The following DCHS1 variants were observed in gnomAD, a reference collection of about 807,000 sequenced individuals.
DCHS1 encodes dachsous cadherin-related 1, also known as protocadherin-16.
A neutral mutation model predicts 213.9 loss-of-function variants in DCHS1; 78 were observed. The ratio of observed to expected loss-of-function variants is 0.36; its 90% CI spans 0.30 to 0.44. DCHS1 has a LOEUF of 0.44. Ranked by LOEUF, DCHS1 falls within the 20% of genes least tolerant of loss-of-function variation. DCHS1 has a pLI of 1.00. For synonymous variants in DCHS1, 1,828 were observed against 1,873.7 expected (o/e 0.98, Z 0.63); for missense variants, 3,946 against 4,395.9 (o/e 0.90, Z 2.89).
In DCHS1 at chr11:6,630,675, G is replaced by C. The variant is rs757169253; in HGVS notation, c.4119C>G (p.Ala1373=). ...GALTYTLVGG[A]DPEGTFALDA... is the part of the protein sequence containing the mutation. ...CCAGCGCGAAGGTGCCCTCGGGATC[G>C]GCACCGCCCACCAGTGTGTAGGTGA... The change falls in exon 10 of 21, where the codon GCC becomes GCG. Residue 1373 remains alanine (A), a synonymous_variant. Coordinates refer to ENST00000299441, the MANE Select transcript of DCHS1 (RefSeq NM_003737.4). The C allele has an allele frequency of 2.1e-5, 32 of 1,532,476 alleles. No individual in the cohort carries two copies. Among genetic ancestry groups the C allele is most frequent in the Non-Finnish European group, 2.7e-5 (31 of 1,140,584 alleles). 94.9% of individuals were successfully genotyped at this position (1,532,476 alleles called of 1,614,324 possible).
At chr11:6,652,618 G>A (rs1007714611) in intron 1 of DCHS1, among the ~76,000 whole-genome samples, 2 of 152,190 alleles carry the variant, frequency 1.3e-5, no homozygotes, top group Non-Finnish European at 2.9e-5. Context: ...GATGGGATCC[G>A]TAACACAGGT....
At chr11:6,631,465 T>C (rs1855906838) in intron 7 of DCHS1, 58 bp from the exon 8 acceptor site, 2 of 1,609,986 alleles carry the variant, frequency 1.2e-6, no homozygotes, top group Non-Finnish European at 8.5e-7. Context: ...CAACTCAGGA[T>C]AAAGCTTCCC....
chr11:6,644,628 A>C (rs902971987), intron 1 of DCHS1, among the ~76,000 whole-genome samples: 1 of 152,230 alleles, frequency 6.6e-6, no homozygotes, highest in Non-Finnish European at 1.5e-5. Flanking sequence ...GGGCAGTGAC[A>C]GGTCTTGGTT....
Position 6,632,764 on chromosome 11 carries a change from C to T in DCHS1, c.2748G>A (p.Leu916=). ...NTAPGTPIYT[L]RALDPDSGVN... ...CACCTGAGTCGGGGTCAAGAGCCCG[C>T]AGTGTATAGATGGGAGTCCCTGGGG... The change falls in exon 6 of 21, where the codon CTG becomes CTA. Residue 916 remains leucine (L), a synonymous_variant. Coordinates refer to ENST00000299441, the MANE Select transcript of DCHS1 (RefSeq NM_003737.4). This position sits in a 1 kb window ranked among gnomAD's most constrained non-coding sequence, Gnocchi z 5.9. 1.2e-6 allele frequency: 2 copies of T among 1,613,228 alleles called. No individual in the cohort carries two copies. The highest frequency in any genetic ancestry group is 2.2e-5 in the East Asian group (1 of 44,872).
rs2134616790 is a variant in DCHS1 at position 6,625,842 on chromosome 11, G to A, written c.6731+78C>T. ...TGGGGAATTCAGGATGTGGCCAAGGGACCAGATGAGTTCAAGGCAGGGCTT... is the reference window on the plus strand; with the variant it reads ...TGGGGAATTCAGGATGTGGCCAAGGAACCAGATGAGTTCAAGGCAGGGCTT... On this transcript the variant is annotated intron_variant, in intron 17 of 20. Coordinates refer to ENST00000299441, the MANE Select transcript of DCHS1 (RefSeq NM_003737.4). The surrounding 1 kb of genome is among the most constrained non-coding windows in gnomAD (Gnocchi z 5.3). 6.3e-7 allele frequency: 1 copy of A among 1,586,440 alleles called. No homozygotes were observed. The highest frequency in any genetic ancestry group is 1.8e-5 in the Admixed American group (1 of 56,464).
rs369723576 is a variant in DCHS1, at chr11:6,641,417, G to A, written c.197C>T (p.Ala66Val). 6.8e-6 allele frequency: 11 copies of A among 1,613,060 alleles called. No individual in the cohort carries two copies. The highest frequency in any genetic ancestry group is 5.0e-5 in the Admixed American group (3 of 59,960). ...PAGTLIGDIS[A>V]GLPAGTAAPL... Reference sequence around the variant, plus strand: ...AGCTGCCGTGCCTGCCGGAAGCCCCGCACTGATGTCGCCAATCAGTGTACC... The same window carrying A: ...AGCTGCCGTGCCTGCCGGAAGCCCCACACTGATGTCGCCAATCAGTGTACC... Residue 66 changes from alanine (A) to valine (V), a missense_variant, in exon 2 of 21, where the codon GCG becomes GTG. Physicochemically the swap from Ala to Val is moderately conservative, Grantham distance 64 (BLOSUM62 0). Coordinates refer to ENST00000299441, the MANE Select transcript of DCHS1 (RefSeq NM_003737.4). The surrounding 1 kb of genome is among the most constrained non-coding windows in gnomAD (Gnocchi z 7.1).
intron 1 of DCHS1, among the ~76,000 whole-genome samples, chr11:6,653,989 G>A (rs1359380505): frequency 6.8e-6 from 1 of 148,016 alleles, no homozygotes; most frequent in Non-Finnish European, 1.5e-5. Context: ...TCCTGGGAGG[G>A]AGGAAGGTAA....
rs1855699874 is a variant in DCHS1, at chr11:6,621,971, G to A, written c.9705C>T (p.His3235=). 3 of 1,613,530 alleles carry A rather than the reference G, an allele frequency of 1.9e-6. No homozygotes were observed. The highest frequency in any genetic ancestry group is 2.5e-6 in the Non-Finnish European group (3 of 1,179,796). The part of the protein sequence containing the change: ...AARAIFPPAS[H]RSPISHEGSL... ...AGCCTTCATGGCTGATGGGGGAGCG[G>A]TGAGAAGCTGGTGGGAAGATGGCCC... is the stretch of plus-strand genomic sequence containing the variant. Residue 3235 remains histidine, a synonymous_variant, in exon 21 of 21, where the codon CAC becomes CAT. Transcript: ENST00000299441.
At position 6,625,512 on chromosome 11, in the gene DCHS1, A is replaced by G. The variant is rs1855782022; in HGVS notation, c.6863-31T>C. On this transcript the variant is annotated intron_variant, in intron 18 of 20. Coordinates refer to ENST00000299441, the MANE Select transcript of DCHS1 (RefSeq NM_003737.4). This position sits in a 1 kb window ranked among gnomAD's most constrained non-coding sequence, Gnocchi z 5.3. Reference sequence around the variant, plus strand: ...ATACATGAGACTAGTGTGTTTGGCAATGGACACAGCCCCACCTTGAGCTGC... The same window carrying G: ...ATACATGAGACTAGTGTGTTTGGCAGTGGACACAGCCCCACCTTGAGCTGC... 6.2e-7 allele frequency: 1 copy of G among 1,607,386 alleles called. No homozygotes were observed. The highest frequency in any genetic ancestry group is 1.3e-5 in the African/African-American group (1 of 74,490).
Position 6,634,223 on chromosome 11 carries a change from G to A in DCHS1, c.1881C>T (p.Pro627=). The change falls in exon 3 of 21, where the codon CCC becomes CCT. Residue 627 remains proline (P), a synonymous_variant. Transcript: ENST00000299441. The stretch of plus-strand genomic sequence containing the variant: ...CGCTGTGGGCATCAATGCGGAATGG[G>A]GGAGATCCGGAGGACCCAAGTCCAG... ...LGAGLGSSGS[P]PFRIDAHSGD... 6.2e-7 allele frequency: 1 copy of A among 1,613,986 alleles called. No homozygotes were observed. Among genetic ancestry groups the A allele is most frequent in the Non-Finnish European group, 8.5e-7 (1 of 1,179,868 alleles).
In DCHS1 at chr11:6,625,435, C is replaced by T; in HGVS notation, c.6909G>A (p.Val2303=). 1 of 1,601,820 alleles carries T rather than the reference C, an allele frequency of 6.2e-7. No homozygotes were observed. Among genetic ancestry groups the T allele is most frequent in the South Asian group, 1.1e-5 (1 of 90,170 alleles). Residue 2303 remains valine (V), a synonymous_variant, in exon 19 of 21, where the codon GTG becomes GTA. Transcript: ENST00000299441. The surrounding 1 kb of genome is among the most constrained non-coding windows in gnomAD (Gnocchi z 5.3). ...SEIAQVTGND[V]DSGPVLWYVL... ...CATACCACAGCACGGGTCCTGAGTCCACATCATTCCCTGTTACCTGTGCAA... is the reference window on the plus strand; with the variant it reads ...CATACCACAGCACGGGTCCTGAGTCTACATCATTCCCTGTTACCTGTGCAA...
chr11:6,654,993 C>G (rs921864001), intron 1 of DCHS1, among the ~76,000 whole-genome samples: 1 of 59,798 alleles, frequency 1.7e-5, no homozygotes, highest in Non-Finnish European at 2.8e-5. Context: ...TCTGGGTGAC[C>G]CCCCCCTCCA....
At chr11:6,654,823 C>T (rs1448833881) in intron 1 of DCHS1, among the ~76,000 whole-genome samples, 3 of 152,076 alleles carry the variant, frequency 2.0e-5, no homozygotes, top group East Asian at 1.9e-4. Flanking sequence ...GGGCCCAGCC[C>T]GCCACACTGA....
chr11:6,634,415 A>C, intron 2 of DCHS1, 109 bp from the exon 3 acceptor site: 1 of 1,258,634 alleles, frequency 7.9e-7, no homozygotes, highest in Non-Finnish European at 1.1e-6. Context: ...TGGCGGACAC[A>C]CAGAGAGGAC....
In DCHS1 at chr11:6,630,619, C is replaced by T. The variant is rs61875880; in HGVS notation, c.4175G>A (p.Arg1392Gln). 9 of 1,540,490 alleles carry T rather than the reference C, an allele frequency of 5.8e-6. No individual in the cohort carries two copies. The South Asian group carries it at 5.9e-5, about 10-fold the overall frequency. ...CGGGCCAGCTTCGAAGTCCAGGGGC[C>T]GCGCCAGGTACAAGCGCCCTGAGGC... is the stretch of plus-strand genomic sequence containing the variant. ...DAASGRLYLA[R>Q]PLDFEAGPPW... The change falls in exon 10 of 21, where the codon CGG becomes CAG. Residue 1392 changes from arginine (R) to glutamine (Q), a missense_variant. This residue lies in a region of DCHS1 where 3,384 missense variants were observed against 3,780.1 expected (regional missense o/e 0.90). Transcript: ENST00000299441.
rs373478460 is a variant in DCHS1, at chr11:6,623,407, C to T, written c.8269G>A (p.Ala2757Thr). ...EAGPGPEGREAFALNSSTGEL... is the reference protein window; with the variant it reads ...EAGPGPEGRETFALNSSTGEL... ...CCTGTTGAGCTGTTCAGTGCAAATG[C>T]CTCACGGCCCTCAGGTCCTGGCCCA... The change falls in exon 21 of 21, where the codon GCA becomes ACA. Residue 2757 changes from alanine to threonine, a missense_variant. Coordinates refer to ENST00000299441, the MANE Select transcript of DCHS1 (RefSeq NM_003737.4). The T allele has an allele frequency of 5.8e-4, 923 of 1,591,634 alleles. 9 individuals carry two copies. The South Asian group carries it at 9.6e-3, about 17-fold the overall frequency.
At chr11:6,654,577 G>A (rs1856288097) in intron 1 of DCHS1, among the ~76,000 whole-genome samples, 1 of 152,056 alleles carries the variant, frequency 6.6e-6, no homozygotes, top group Non-Finnish European at 1.5e-5. Context: ...TTTTCCGTAG[G>A]TGTGTGTTGG....
chr11:6,623,183 G>C lies in DCHS1; in HGVS notation c.8493C>G (p.Ser2831Arg), dbSNP rs747579012. The C allele has an allele frequency of 6.2e-7, 1 of 1,607,026 alleles. No homozygotes were observed. The highest frequency in any genetic ancestry group is 8.5e-7 in the Non-Finnish European group (1 of 1,176,816). ...CATCTGTGGCCTGCACGTGACCCAAGCTGTGGCCACGCCGGGCACCTTCGG... is the reference window on the plus strand; with the variant it reads ...CATCTGTGGCCTGCACGTGACCCAACCTGTGGCCACGCCGGGCACCTTCGG... ...QVPEGARRGH[S>R]LGHVQATDED... Residue 2831 changes from serine (S) to arginine (R), a missense_variant, in exon 21 of 21, where the codon AGC (serine) becomes AGG (arginine). Physicochemically the swap from Ser to Arg is moderately radical, Grantham distance 110. Transcript: ENST00000299441.
chr11:6,649,690 G>A (rs4758114), intron 1 of DCHS1, among the ~76,000 whole-genome samples: 44,197 of 151,922 alleles, frequency 0.29, 7,497 homozygotes, highest in Middle Eastern at 0.4. Flanking sequence ...AGGGAGACTC[G>A]GCAGGGACGG....
Sources: allele counts gnomAD v4.1 joint callset (sites outside exome capture counted in the v4.1 genomes callset), GRCh38; gene constraint gnomAD v4.1.1; regional missense constraint gnomAD v4.1.1; non-coding constraint Gnocchi (gnomAD v3.1); transcripts MANE v1.5; gene names NCBI Gene and HGNC (gene_info 2026-07-23, HGNC 2026-07-21).